The following CCSER1 variants were observed in gnomAD, a reference collection of about 807,000 sequenced individuals.
CCSER1 encodes coiled-coil serine rich protein 1.
In CCSER1, 41 loss-of-function variants were observed where a neutral mutation model predicts 82.0. The observed-to-expected ratio is 0.50, with a 90% CI of 0.39 to 0.65. The LOEUF (loss-of-function observed/expected upper bound fraction) is 0.65, where lower values mean the gene tolerates loss of function less well. CCSER1 is among the 30% of genes least tolerant of loss of function. The pLI, the probability that CCSER1 is intolerant of heterozygous loss-of-function variation, is 0.00. For missense variants in CCSER1, 1,119 were observed against 1,064.2 expected, an observed-to-expected ratio of 1.05 and a Z score of -0.72; for synonymous variants, 414 against 383.9, an observed-to-expected ratio of 1.08 and a Z score of -0.92.
At chr4:91,297,650 A>G (rs1744319719) in intron 10 of CCSER1, among the ~76,000 whole-genome samples, 1 of 151,976 alleles carries the variant, frequency 6.6e-6, no homozygotes, top group African/African-American at 2.4e-5. Flanking sequence ...TAGACTGGAA[A>G]ATAGGAGGTA....
intron 4 of CCSER1, among the ~76,000 whole-genome samples, chr4:90,421,864 TAA>T (rs1426248718): frequency 6.6e-6 from 1 of 152,108 alleles, no homozygotes; most frequent in Non-Finnish European, 1.5e-5. Flanking sequence ...GTCAGTGGTG[TAA>T]AATGTTTTGG....
chr4:91,033,767 A>G (rs1166725778), intron 9 of CCSER1, among the ~76,000 whole-genome samples: 1 of 152,192 alleles, frequency 6.6e-6, no homozygotes, highest in Non-Finnish European at 1.5e-5. Context: ...CAGTAGGTCA[A>G]AGAACTTCAA....
chr4:91,215,970 ATC>A (rs1264993177), intron 10 of CCSER1, among the ~76,000 whole-genome samples: 1 of 152,198 alleles, frequency 6.6e-6, no homozygotes, highest in Non-Finnish European at 1.5e-5. Flanking sequence ...ATATGAGTTC[ATC>A]TGTTTTGATC....
chr4:91,154,737 G>A (rs1029982631), intron 10 of CCSER1, among the ~76,000 whole-genome samples: 2 of 151,568 alleles, frequency 1.3e-5, no homozygotes, highest in Non-Finnish European at 2.9e-5. Flanking sequence ...GATGAATACT[G>A]GATAATGATA....
chr4:91,460,220 C>T (rs549866725), intron 10 of CCSER1, among the ~76,000 whole-genome samples: 3 of 152,192 alleles, frequency 2.0e-5, no homozygotes, highest in African/African-American at 4.8e-5. Context: ...TTATTTCCTT[C>T]GTCTAAGAAT....
intron 8 of CCSER1, among the ~76,000 whole-genome samples, chr4:90,919,755 T>TA (rs1728102456): frequency 6.6e-6 from 1 of 151,924 alleles, no homozygotes; most frequent in Non-Finnish European, 1.5e-5. Flanking sequence ...ATTATATAAC[T>TA]CAAAACCTCC....
chr4:90,941,879 C>A lies in CCSER1; in HGVS notation c.2172+18432C>A, dbSNP rs1182083289. ...CTCATTGGGGGAAAGACAAGCTATT[C>A]TTTCTTGGTGTTAATAAGCATTAAG... On this transcript the variant is annotated intron_variant, in intron 9 of 10. Transcript: ENST00000509176. 3.3e-5 allele frequency among the ~76,000 whole-genome samples: 5 copies of A among 151,996 alleles called. No individual in the cohort carries two copies. In the East Asian group the frequency reaches 9.7e-4, roughly 29 times the overall value.
At chr4:90,214,649 A>G (rs1257904918) in intron 1 of CCSER1, among the ~76,000 whole-genome samples, 2 of 152,218 alleles carry the variant, frequency 1.3e-5, no homozygotes, top group African/African-American at 2.4e-5. Context: ...GATTTGCTAC[A>G]TAACAAAGGC....
chr4:90,582,938 A>G (rs940597460), intron 5 of CCSER1, among the ~76,000 whole-genome samples: 2 of 152,326 alleles, frequency 1.3e-5, no homozygotes, highest in South Asian at 2.1e-4. Flanking sequence ...ACTTGTATTG[A>G]TATACTGATC....
At chr4:91,592,365 C>G (rs943496864) in intron 10 of CCSER1, among the ~76,000 whole-genome samples, 2 of 152,066 alleles carry the variant, frequency 1.3e-5, no homozygotes, top group Non-Finnish European at 2.9e-5. Context: ...ATTACGGGAA[C>G]TACAACTCAA....
chr4:90,974,276 A>G (rs934455472), intron 9 of CCSER1, among the ~76,000 whole-genome samples: 1 of 151,500 alleles, frequency 6.6e-6, no homozygotes, highest in African/African-American at 2.4e-5. Context: ...TGTGGTAACA[A>G]TTTCACAATA....
At chr4:91,103,660 C>T (rs1318355332) in intron 10 of CCSER1, among the ~76,000 whole-genome samples, 3 of 152,172 alleles carry the variant, frequency 2.0e-5, no homozygotes, top group Non-Finnish European at 4.4e-5. Flanking sequence ...TCTTTAATCT[C>T]TTAATCCTGT....
At chr4:91,306,059 T>TTGTGTG (rs70965483) in intron 10 of CCSER1, among the ~76,000 whole-genome samples, 2,655 of 139,590 alleles carry the variant, frequency 0.019, 42 homozygotes, top group South Asian at 0.059. Flanking sequence ...ATCAGTGTGT[T>TTGTGTG]TGTGTGTGTG....
At chr4:91,009,953 G>C (rs1163093297) in intron 9 of CCSER1, among the ~76,000 whole-genome samples, 1 of 151,996 alleles carries the variant, frequency 6.6e-6, no homozygotes, top group Non-Finnish European at 1.5e-5. Flanking sequence ...CAGTCTTGGG[G>C]ATTCTGAATT....
intron 1 of CCSER1, among the ~76,000 whole-genome samples, chr4:90,300,719 A>G (rs1428726827): frequency 6.6e-6 from 1 of 152,216 alleles, no homozygotes; most frequent in Non-Finnish European, 1.5e-5. Context: ...ACAGACAGAT[A>G]GACCTATTTA....
intron 10 of CCSER1, among the ~76,000 whole-genome samples, chr4:91,165,029 T>C (rs902573054): frequency 1.3e-5 from 2 of 152,226 alleles, no homozygotes; most frequent in Non-Finnish European, 2.9e-5. Flanking sequence ...TTTTAGAATT[T>C]TCAGCTTTTC....
chr4:90,524,067 A>C (rs530601070), intron 5 of CCSER1, among the ~76,000 whole-genome samples: 1 of 152,290 alleles, frequency 6.6e-6, no homozygotes, highest in Non-Finnish European at 1.5e-5. Flanking sequence ...GAAAAAAAAC[A>C]TATATTTATG....
In CCSER1 at chr4:91,558,956, G is replaced by C. The variant is rs564886670; in HGVS notation, c.2218-39616G>C. Among the ~76,000 whole-genome samples the C allele has an allele frequency of 2.6e-5, 4 of 151,630 alleles. No homozygotes were observed. The South Asian group carries it at 6.2e-4, about 24-fold the overall frequency. ...GGTAATTTCTCATCAGCTATGGGGAGATTCTTGTTGATTTCAAATTATATA... is the reference window on the plus strand; with the variant it reads ...GGTAATTTCTCATCAGCTATGGGGACATTCTTGTTGATTTCAAATTATATA... On this transcript the variant is annotated intron_variant, in intron 10 of 10. Coordinates refer to ENST00000509176, the MANE Select transcript of CCSER1 (RefSeq NM_001145065.2).
chr4:90,262,525 T>C (rs1375625234), intron 1 of CCSER1, among the ~76,000 whole-genome samples: 1 of 152,148 alleles, frequency 6.6e-6, no homozygotes, highest in Non-Finnish European at 1.5e-5. Flanking sequence ...TTTTTTCCTG[T>C]TATTTTATTT....
Sources: allele counts gnomAD v4.1 joint callset (sites outside exome capture counted in the v4.1 genomes callset), GRCh38; gene constraint gnomAD v4.1.1; transcripts MANE v1.5; gene names NCBI Gene and HGNC (gene_info 2026-07-23, HGNC 2026-07-21).